The following C21orf91 variants were observed in gnomAD, a reference collection of about 807,000 sequenced individuals.
C21orf91 encodes the protein protein EURL homolog.
In C21orf91, 26 loss-of-function variants were observed where a neutral mutation model predicts 32.9. The ratio of observed to expected loss-of-function variants is 0.79; its 90% CI spans 0.58 to 1.10. The LOEUF (loss-of-function observed/expected upper bound fraction) is 1.10, where lower values mean the gene tolerates loss of function less well. Among genes scored for constraint, C21orf91 ranks in the 50% least tolerant of loss-of-function variants. The probability of loss-of-function intolerance (pLI) is 0.00; values close to 1 mark genes in which losing one functional copy is unlikely to be tolerated. For missense variants in C21orf91, 310 were observed against 341.3 expected (o/e 0.91, Z 0.72); for synonymous variants, 126 against 120.4 (o/e 1.05, Z -0.31).
chr21:17,811,994 A>T (rs1024574471), intron 2 of C21orf91, among the ~76,000 whole-genome samples: 3 of 152,116 alleles, frequency 2.0e-5, no homozygotes, highest in Admixed American at 6.5e-5. Flanking sequence ...GTGTGATCTA[A>T]ATTTTAAACG....
rs1193083751 is a variant in C21orf91 at position 17,792,826 on chromosome 21, T to C, written c.*589A>G. On this transcript the variant is annotated 3_prime_UTR_variant, in exon 5 of 5. Transcript: ENST00000284881. ...AGATTTCTAATCCAAAATATATTTA[T>C]CTTTGGAAAGCAAGGTAACCGTTGT... The C allele has an allele frequency of 2.6e-5, 4 of 152,642 alleles. No homozygotes were observed. Among genetic ancestry groups the C allele is most frequent in the Non-Finnish European group, 5.9e-5 (4 of 68,024 alleles). 9.5% of individuals were successfully genotyped at this position (152,642 alleles called of 1,614,324 possible).
chr21:17,814,566 G>A (rs2062653132), intron 2 of C21orf91, among the ~76,000 whole-genome samples: 1 of 152,118 alleles, frequency 6.6e-6, no homozygotes, highest in African/African-American at 2.4e-5. Context: ...CAGCCTCTGC[G>A]GAGGCCTCAG....
rs145092156 is a variant in C21orf91 at position 17,810,941 on chromosome 21, C to A, written c.127+7251G>T. The A allele has an allele frequency of 9.2e-5, 14 of 152,306 alleles. No homozygotes were observed. In the East Asian group the frequency reaches 2.7e-3, roughly 29 times the overall value. 9.4% of individuals were successfully genotyped at this position (152,306 alleles called of 1,614,324 possible). ...GGTCATCAGAAATGAGTATTTTTGG[C>A]TATTCCACAGAATGTGTATTCATTA... On this transcript the variant is annotated intron_variant, in intron 2 of 4. Coordinates refer to ENST00000284881, the MANE Select transcript of C21orf91 (RefSeq NM_001100420.2).
rs2062471040 is a variant in C21orf91, at chr21:17,791,204, CAA to C, written c.*2209_*2210del. 6.6e-6 allele frequency: 1 copy of C among 152,046 alleles called. No individual in the cohort carries two copies. The highest frequency in any genetic ancestry group is 2.4e-5 in the African/African-American group (1 of 41,406). The allele number at this position is 152,046 out of a possible 1,614,324, so 9.4% of individuals were successfully genotyped here. A position where few individuals can be genotyped will look rare whatever the true frequency, so the allele number is the denominator to read the frequency against. ...TAAACTGCTGTGCAAAATACTTCAA[CAA>C]AAAGTTTTTTTTACTAGGAACTCAT... On this transcript the variant is annotated 3_prime_UTR_variant, in exon 5 of 5. Coordinates refer to ENST00000284881, the MANE Select transcript of C21orf91 (RefSeq NM_001100420.2).
intron 2 of C21orf91, among the ~76,000 whole-genome samples, chr21:17,814,612 C>T (rs1390523042): frequency 5.3e-5 from 8 of 152,080 alleles, no homozygotes; most frequent in Admixed American, 1.3e-4. Flanking sequence ...AAAGAGGGAG[C>T]CAGCACCTCA....
rs115306946 is a variant in C21orf91, at chr21:17,803,784, C to T, written c.128-6666G>A. Among the ~76,000 whole-genome samples the T allele has an allele frequency of 4.0e-3, 609 of 152,148 alleles. 5 individuals carry two copies. Among genetic ancestry groups the T allele is most frequent in the African/African-American group, 0.014 (566 of 41,492 alleles). ...ATGAAAATGTTACTTGTTTCTGAGG[C>T]GCAGACAACCATTCCTGATAAAAGG... is the stretch of plus-strand genomic sequence containing the variant. On this transcript the variant is annotated intron_variant, in intron 2 of 4. Transcript: ENST00000284881.
At chr21:17,818,433 A>C in intron 1 of C21orf91, 108 bp from the exon 2 acceptor site, 1 of 833,224 alleles carries the variant, frequency 1.2e-6, no homozygotes, top group Non-Finnish European at 1.9e-6. Flanking sequence ...CAGCTCATTT[A>C]AAGCAAAAGC....
intron 2 of C21orf91, among the ~76,000 whole-genome samples, chr21:17,800,106 C>T (rs1019759410): frequency 1.3e-5 from 2 of 152,124 alleles, no homozygotes; most frequent in African/African-American, 4.8e-5. Flanking sequence ...TGAATTTCTA[C>T]TCAAATATAT....
chr21:17,804,335 A>G lies in C21orf91; in HGVS notation c.128-7217T>C, dbSNP rs374594991. Among the ~76,000 whole-genome samples the G allele has an allele frequency of 5.3e-5, 8 of 152,206 alleles. No homozygotes were observed. In the East Asian group the frequency reaches 7.7e-4, roughly 15 times the overall value. ...ATAGTTGGAGTATCTACTTCCCACAAAAGGACAGGCTTCTGCCTCTTAAAA... is the reference window on the plus strand; with the variant it reads ...ATAGTTGGAGTATCTACTTCCCACAGAAGGACAGGCTTCTGCCTCTTAAAA... On this transcript the variant is annotated intron_variant, in intron 2 of 4. Transcript: ENST00000284881.
intron 2 of C21orf91, among the ~76,000 whole-genome samples, chr21:17,816,538 T>C (rs1418626445): frequency 2.0e-5 from 3 of 152,198 alleles, no homozygotes; most frequent in Non-Finnish European, 4.4e-5. Flanking sequence ...GGTATTAAGA[T>C]CACATATACT....
At chr21:17,817,372 A>T (rs1186338411) in intron 2 of C21orf91, among the ~76,000 whole-genome samples, 1 of 152,136 alleles carries the variant, frequency 6.6e-6, no homozygotes, top group Non-Finnish European at 1.5e-5. Context: ...TCAAATATAT[A>T]ATACAGAAAA....
chr21:17,815,860 A>G (rs963855265), intron 2 of C21orf91, among the ~76,000 whole-genome samples: 3 of 152,148 alleles, frequency 2.0e-5, no homozygotes, highest in Non-Finnish European at 4.4e-5. Flanking sequence ...GGGTTTCTCC[A>G]TGTTGGTCAG....
At chr21:17,809,384 A>G (rs1279477873) in intron 2 of C21orf91, among the ~76,000 whole-genome samples, 1 of 152,384 alleles carries the variant, frequency 6.6e-6, no homozygotes, top group East Asian at 1.9e-4. Flanking sequence ...ATAGCAGTAT[A>G]GAAGTATGAA....
At chr21:17,795,622 G>A (rs1235420126) in intron 3 of C21orf91, among the ~76,000 whole-genome samples, 3 of 152,052 alleles carry the variant, frequency 2.0e-5, no homozygotes, top group South Asian at 2.1e-4. Flanking sequence ...AATCATAGGC[G>A]TGTGCCACCA....
At chr21:17,809,904 T>C (rs899230079) in intron 2 of C21orf91, among the ~76,000 whole-genome samples, 2 of 152,208 alleles carry the variant, frequency 1.3e-5, no homozygotes, top group African/African-American at 4.8e-5. Context: ...TGCCTTACTG[T>C]TGTACAACTC....
At chr21:17,794,919 A>G (rs1270268601) in intron 4 of C21orf91, among the ~76,000 whole-genome samples, 1 of 151,346 alleles carries the variant, frequency 6.6e-6, no homozygotes, top group African/African-American at 2.4e-5. Context: ...ATAGAAAATT[A>G]GCTGGGTGTA....
chr21:17,811,394 G>A (rs2062631560), intron 2 of C21orf91: 1 of 152,144 alleles, frequency 6.6e-6, no homozygotes, highest in South Asian at 2.1e-4. Flanking sequence ...CTGAGCATAA[G>A]GTGGACTAGT....
intron 3 of C21orf91, among the ~76,000 whole-genome samples, chr21:17,795,897 T>C (rs1233677646): frequency 6.6e-6 from 1 of 152,258 alleles, no homozygotes; most frequent in Non-Finnish European, 1.5e-5. Flanking sequence ...TTTTAAAAAG[T>C]GTTAGTCACT....
At position 17,792,426 on chromosome 21, in the gene C21orf91, G is replaced by GTT. The variant is rs1302786915; in HGVS notation, c.*987_*988dup. 1 of 151,768 alleles carries GTT rather than the reference G, an allele frequency of 6.6e-6. No homozygotes were observed. Among genetic ancestry groups the GTT allele is most frequent in the African/African-American group, 2.4e-5 (1 of 41,308 alleles). The allele number at this position is 151,768 out of a possible 1,614,324, so 9.4% of individuals were successfully genotyped here. ...TGATGGTGATAATACAATTTGGACA[G>GTT]TTTAAGTATTCTTGAAACTTTACCC... On this transcript the variant is annotated 3_prime_UTR_variant, in exon 5 of 5. Coordinates refer to ENST00000284881, the MANE Select transcript of C21orf91 (RefSeq NM_001100420.2).
Sources: gnomAD v4.1 joint callset for allele counts (sites outside exome capture counted in the v4.1 genomes callset) on GRCh38, gnomAD v4.1.1 for gene constraint, MANE v1.5 for transcripts, NCBI Gene and HGNC (gene_info 2026-07-23, HGNC 2026-07-21) for gene names.